Variants in ST8SIA4 observed in about 807,000 individuals in gnomAD.
ST8SIA4 encodes ST8 alpha-N-acetyl-neuraminide alpha-2,8-sialyltransferase 4.
Under a neutral mutation model 33.9 loss-of-function variants are expected in ST8SIA4, and 15 were observed. The ratio of observed to expected loss-of-function variants is 0.44; its 90% CI spans 0.30 to 0.68. The LOEUF (loss-of-function observed/expected upper bound fraction) is 0.68. ST8SIA4 is among the 30% of genes least tolerant of loss of function. The pLI, the probability that ST8SIA4 is intolerant of heterozygous loss-of-function variation, is 0.10. For missense variants in ST8SIA4, 321 were observed against 428.0 expected (o/e 0.75, Z 2.21); for synonymous variants, 171 against 151.2 (o/e 1.13, Z -0.96).
At chr5:100,885,735 C>T (rs1752522617) in intron 3 of ST8SIA4, 2 of 941,028 alleles carry the variant, frequency 2.1e-6, no homozygotes, top group Non-Finnish European at 2.5e-6. Flanking sequence ...TAATCAAACA[C>T]ACAATTCATC....
chr5:100,886,259 C>T, intron 3 of ST8SIA4, 84 bp downstream of exon 3: 1 of 1,535,180 alleles, frequency 6.5e-7, no homozygotes, highest in Non-Finnish European at 8.7e-7. Flanking sequence ...TTTAGTAATA[C>T]TTTAAAATTT....
At chr5:100,876,454 T>C (rs920867187) in intron 3 of ST8SIA4, among the ~76,000 whole-genome samples, 7 of 152,092 alleles carry the variant, frequency 4.6e-5, no homozygotes, top group African/African-American at 1.7e-4. Context: ...AAAATCTTAG[T>C]ATTACAAGGA....
intron 4 of ST8SIA4, among the ~76,000 whole-genome samples, chr5:100,830,355 C>A (rs1415079356): frequency 1.3e-5 from 2 of 152,060 alleles, no homozygotes; most frequent in Non-Finnish European, 2.9e-5. Context: ...TATTATTTAC[C>A]TTATAGAGTT....
Position 100,865,477 on chromosome 5 carries a change from T to C in ST8SIA4, c.504-9081A>G, listed in dbSNP as rs186117859. Among the ~76,000 whole-genome samples the C allele has an allele frequency of 3.7e-4, 57 of 152,256 alleles. 1 individual carries two copies. In the East Asian group the frequency reaches 6.4e-3, roughly 17 times the overall value. On this transcript the variant is annotated intron_variant, in intron 3 of 4. Coordinates refer to ENST00000231461, the MANE Select transcript of ST8SIA4 (RefSeq NM_005668.6). ...TGCAGGAGATCAACTACTCTAACTC[T>C]TCAGTTAGCATGGTTAAGGAAATCT...
chr5:100,849,326 A>C (rs896918143), intron 4 of ST8SIA4: 114 of 985,334 alleles, frequency 1.2e-4, no homozygotes, highest in Non-Finnish European at 1.3e-4. Context: ...GTCTAAAGTC[A>C]GAATAGGAAA....
At chr5:100,881,537 T>C (rs1169271558) in intron 3 of ST8SIA4, among the ~76,000 whole-genome samples, 3 of 152,174 alleles carry the variant, frequency 2.0e-5, no homozygotes, top group Non-Finnish European at 4.4e-5. Flanking sequence ...GATGTAAATA[T>C]ATATATATTA....
intron 4 of ST8SIA4, among the ~76,000 whole-genome samples, chr5:100,844,342 T>C (rs1172171554): frequency 6.6e-6 from 1 of 151,864 alleles, no homozygotes; most frequent in Non-Finnish European, 1.5e-5. Context: ...CAGAAAACCA[T>C]ACTCAATCAT....
At chr5:100,850,701 C>T (rs1225723249) in intron 4 of ST8SIA4, among the ~76,000 whole-genome samples, 1 of 151,596 alleles carries the variant, frequency 6.6e-6, no homozygotes, top group Non-Finnish European at 1.5e-5. Flanking sequence ...GGTTTAAACC[C>T]ATCCATACCT....
In ST8SIA4 at chr5:100,836,374, T is replaced by C. The variant is rs536339897; in HGVS notation, c.797+19729A>G. Among the ~76,000 whole-genome samples, 8 of 152,192 alleles carry C rather than the reference T, an allele frequency of 5.3e-5. No individual in the cohort carries two copies. The East Asian group carries it at 9.6e-4, about 18-fold the overall frequency. On this transcript the variant is annotated intron_variant, in intron 4 of 4. Coordinates refer to ENST00000231461, the MANE Select transcript of ST8SIA4 (RefSeq NM_005668.6). Reference sequence around the variant, plus strand: ...AGAATCTGTGCCCCTAAAGACCACGTTGAGCTGGATCTCTAGTATTACTAT... The same window carrying C: ...AGAATCTGTGCCCCTAAAGACCACGCTGAGCTGGATCTCTAGTATTACTAT...
chr5:100,899,141 C>G lies in ST8SIA4; in HGVS notation c.114-3356G>C, dbSNP rs141733573. Among the ~76,000 whole-genome samples the G allele has an allele frequency of 5.1e-4, 77 of 152,294 alleles. 1 individual carries two copies. Among genetic ancestry groups the G allele is most frequent in the Admixed American group, 4.8e-3 (73 of 15,292 alleles). On this transcript the variant is annotated intron_variant, in intron 1 of 4. Transcript: ENST00000231461. ...AGCCCCGTATTCCACCCTACTGAAA[C>G]TCTTCATGACTTGGCTTTTGAATGT... is the stretch of plus-strand genomic sequence containing the variant.
At chr5:100,826,508 A>T (rs978994612) in intron 4 of ST8SIA4, among the ~76,000 whole-genome samples, 4 of 152,182 alleles carry the variant, frequency 2.6e-5, no homozygotes, top group African/African-American at 9.6e-5. Context: ...CAAAAATCAC[A>T]GTGCAATGAA....
Position 100,811,769 on chromosome 5 carries a change from C to T in ST8SIA4, c.*78G>A, listed in dbSNP as rs1448538661. ...TCATTGGTGGATGCTGAAACCCAGCCGTGTTTTGGATCCTATTTTCAAATC... is the reference window on the plus strand; with the variant it reads ...TCATTGGTGGATGCTGAAACCCAGCTGTGTTTTGGATCCTATTTTCAAATC... On this transcript the variant is annotated 3_prime_UTR_variant, in exon 5 of 5. Transcript: ENST00000231461. The T allele has an allele frequency of 2.1e-6, 3 of 1,431,736 alleles. No homozygotes were observed. The highest frequency in any genetic ancestry group is 2.3e-5 in the East Asian group (1 of 43,388). The allele number at this position is 1,431,736 out of a possible 1,614,324, so 88.7% of individuals were successfully genotyped here.
chr5:100,869,701 G>C (rs1255608150), intron 3 of ST8SIA4, among the ~76,000 whole-genome samples: 1 of 152,008 alleles, frequency 6.6e-6, no homozygotes, highest in African/African-American at 2.4e-5. Context: ...AAACTCCAAG[G>C]GTCCTTCTTG....
At chr5:100,852,611 A>C (rs1459950187) in intron 4 of ST8SIA4, among the ~76,000 whole-genome samples, 2 of 152,134 alleles carry the variant, frequency 1.3e-5, no homozygotes, top group Non-Finnish European at 2.9e-5. Flanking sequence ...TTACTCTCTT[A>C]CTATTTTTCA....
chr5:100,853,985 A>G lies in ST8SIA4; in HGVS notation c.797+2118T>C, dbSNP rs2432068. On this transcript the variant is annotated intron_variant, in intron 4 of 4. Coordinates refer to ENST00000231461, the MANE Select transcript of ST8SIA4 (RefSeq NM_005668.6). The stretch of plus-strand genomic sequence containing the variant: ...CACTGGAATGTGTTTGTGTGTGTGT[A>G]TGTGTGTGTGTGTGTGTGTGTGTGT... Among the ~76,000 whole-genome samples the G allele has an allele frequency of 5.3e-3, 410 of 76,992 alleles. 1 individual carries two copies. The highest frequency in any genetic ancestry group is 6.4e-3 in the Non-Finnish European group (235 of 36,720). The allele number at this position is 76,992 out of a possible 152,430, so 50.5% of individuals were successfully genotyped here.
intron 1 of ST8SIA4, among the ~76,000 whole-genome samples, chr5:100,899,116 A>G (rs547732768): frequency 6.6e-6 from 1 of 152,306 alleles, no homozygotes; most frequent in South Asian, 2.1e-4. Flanking sequence ...AGGTCTCAAA[A>G]GCCCCGTATT....
chr5:100,875,430 T>C (rs1752284288), intron 3 of ST8SIA4, among the ~76,000 whole-genome samples: 1 of 152,220 alleles, frequency 6.6e-6, no homozygotes, highest in Non-Finnish European at 1.5e-5. Context: ...TCAGATAAAG[T>C]TCTGAGTGGG....
chr5:100,877,390 AGAG>A (rs1479078249), intron 3 of ST8SIA4, among the ~76,000 whole-genome samples: 2 of 152,184 alleles, frequency 1.3e-5, no homozygotes, highest in African/African-American at 2.4e-5. Context: ...CTTCTAAAGT[AGAG>A]GAGACACATT....
rs1412086675 is a variant in ST8SIA4, at chr5:100,807,607, T to C, written c.*4240A>G. 6.6e-6 allele frequency: 1 copy of C among 152,528 alleles called. No individual in the cohort carries two copies. The highest frequency in any genetic ancestry group is 1.5e-5 in the Non-Finnish European group (1 of 67,966). 9.4% of individuals were successfully genotyped at this position (152,528 alleles called of 1,614,324 possible). A position where few individuals can be genotyped will look rare whatever the true frequency, so the allele number is the denominator to read the frequency against. On this transcript the variant is annotated 3_prime_UTR_variant, in exon 5 of 5. Transcript: ENST00000231461. ...AGATTTGGACATACTAGACCCTTACTGTAACTCTACGTATGAACGACATAG... is the reference window on the plus strand; with the variant it reads ...AGATTTGGACATACTAGACCCTTACCGTAACTCTACGTATGAACGACATAG...
Sources: allele counts gnomAD v4.1 joint callset (sites outside exome capture counted in the v4.1 genomes callset), GRCh38; gene constraint gnomAD v4.1.1; transcripts MANE v1.5; gene names NCBI Gene and HGNC (gene_info 2026-07-23, HGNC 2026-07-21).